Variants in NUP160 observed in about 807,000 individuals in gnomAD.
The protein encoded by NUP160 is nuclear pore complex protein Nup160.
A neutral mutation model predicts 196.9 loss-of-function variants in NUP160; 94 were observed. That is an observed-to-expected ratio of 0.48 (90% CI 0.40 to 0.57). NUP160 has a LOEUF of 0.57. Among genes scored for constraint, NUP160 ranks in the 20% least tolerant of loss-of-function variants. The pLI is 0.00. For synonymous variants in NUP160, 605 were observed against 619.7 expected, an observed-to-expected ratio of 0.98 and a Z score of 0.35; for missense variants, 1,638 against 1,748.3, an observed-to-expected ratio of 0.94 and a Z score of 1.13.
chr11:47,805,789 A>C (rs1305763320), intron 20 of NUP160, among the ~76,000 whole-genome samples: 1 of 151,878 alleles, frequency 6.6e-6, no homozygotes, highest in African/African-American at 2.4e-5. Flanking sequence ...TTACATAGGC[A>C]GAATAAGAAC....
exon 1 of NUP160, chr11:47,848,307 C>T (rs1165625712): frequency 2.5e-6 from 4 of 1,613,948 alleles, no homozygotes; most frequent in East Asian, 4.5e-5. Flanking sequence ...CCAGGGCTCC[C>T]GCCGCCGCCA....
chr11:47,803,223 T>C (rs2097675397), intron 22 of NUP160, among the ~76,000 whole-genome samples: 1 of 151,326 alleles, frequency 6.6e-6, no homozygotes. Context: ...AGTTCTAATA[T>C]TTTCTTATGT....
At chr11:47,782,300 AAAAATATATATATATATATATATATAT>A (rs1266659070) in intron 34 of NUP160, among the ~76,000 whole-genome samples, 16 of 42,522 alleles carry the variant, frequency 3.8e-4, no homozygotes, top group East Asian at 3.3e-3. Flanking sequence ...AAAAAAAAAA[AAAAATATATATATATATATATATATAT>A]ATATATATAT....
At chr11:47,848,241 C>A in exon 1 of NUP160, 2 of 1,614,182 alleles carry the variant, frequency 1.2e-6, no homozygotes, top group Non-Finnish European at 1.7e-6. Context: ...CTGTGAATTC[C>A]CGAAAGTGCC....
intron 1 of NUP160, 56 bp downstream of exon 1, chr11:47,848,163 A>G: frequency 6.3e-7 from 1 of 1,585,572 alleles, no homozygotes; most frequent in Non-Finnish European, 8.7e-7. Context: ...CCTGGGACCC[A>G]TGAGAGGAGC....
chr11:47,831,335 A>G (rs1001768958), intron 7 of NUP160, among the ~76,000 whole-genome samples: 1 of 152,254 alleles, frequency 6.6e-6, no homozygotes, highest in South Asian at 2.1e-4. Context: ...TAGGATATCT[A>G]GAATTAAAAA....
chr11:47,848,111 G>C, intron 1 of NUP160, 108 bp downstream of exon 1: 1 of 1,362,456 alleles, frequency 7.3e-7, no homozygotes, highest in African/African-American at 1.4e-5. Flanking sequence ...CCCGGGGCTA[G>C]AGGCATGTGG....
chr11:47,836,537 C>T (rs905405177), intron 6 of NUP160, among the ~76,000 whole-genome samples: 26 of 151,762 alleles, frequency 1.7e-4, no homozygotes, highest in African/African-American at 5.6e-4. Context: ...TGCTTGAGCC[C>T]GGGAGGCAGA....
intron 35 of NUP160, 92 bp downstream of exon 35, chr11:47,780,251 T>C: frequency 1.1e-6 from 1 of 927,050 alleles, no homozygotes; most frequent in South Asian, 1.4e-5. Context: ...TTGTCTTCCC[T>C]TTCTAATCCC....
chr11:47,838,695 G>C (rs1168185966), intron 4 of NUP160, among the ~76,000 whole-genome samples: 1 of 151,518 alleles, frequency 6.6e-6, no homozygotes. Context: ...GGGTGACAGT[G>C]AGACTCTGTC....
intron 23 of NUP160, among the ~76,000 whole-genome samples, chr11:47,799,868 T>C (rs1199323229): frequency 6.6e-6 from 1 of 152,184 alleles, no homozygotes; most frequent in Non-Finnish European, 1.5e-5. Flanking sequence ...AAAATTCTTA[T>C]CTTCTAGTGA....
intron 23 of NUP160, 48 bp downstream of exon 23, chr11:47,801,763 T>A (rs1319542218): frequency 1.3e-6 from 2 of 1,535,194 alleles, no homozygotes; most frequent in Non-Finnish European, 1.8e-6. Flanking sequence ...GTATTTCAGA[T>A]GTGTTTTTAC....
At chr11:47,821,729 A>C in exon 9 of NUP160, 1 of 1,611,686 alleles carries the variant, frequency 6.2e-7, no homozygotes, top group Non-Finnish European at 8.5e-7. Flanking sequence ...CATACTGTTC[A>C]AAGTTGATGT....
chr11:47,837,366 T>C (rs562723552), intron 5 of NUP160, among the ~76,000 whole-genome samples, 179 bp downstream of exon 5: 82 of 152,326 alleles, frequency 5.4e-4, no homozygotes, highest in South Asian at 1.9e-3. Flanking sequence ...AGGCATCCAA[T>C]TGCAGATGAA....
intron 2 of NUP160, among the ~76,000 whole-genome samples, chr11:47,844,020 C>T (rs541217290): frequency 6.6e-6 from 1 of 152,326 alleles, no homozygotes; most frequent in Non-Finnish European, 1.5e-5. Context: ...CAATTAATGA[C>T]ATCTCCCTAA....
chr11:47,809,734 C>CAAAAAAAA (rs779243939), intron 17 of NUP160, among the ~76,000 whole-genome samples: 1 of 47,900 alleles, frequency 2.1e-5, no homozygotes, highest in African/African-American at 9.8e-5. Context: ...GCAAGACTCT[C>CAAAAAAAA]AAAAAAAAAA....
At chr11:47,809,095 C>T (rs192819013) in intron 17 of NUP160, among the ~76,000 whole-genome samples, 4 of 150,350 alleles carry the variant, frequency 2.7e-5, no homozygotes, top group Admixed American at 2.0e-4. Context: ...AGCAAGACTC[C>T]GTCTTAAAAA....
chr11:47,822,690 C>A (rs774517022), intron 7 of NUP160, among the ~76,000 whole-genome samples: 1 of 151,658 alleles, frequency 6.6e-6, no homozygotes, highest in African/African-American at 2.4e-5. Flanking sequence ...ATTTACATTA[C>A]GTATATCTCC....
chr11:47,821,619 CAA>C, intron 9 of NUP160, 103 bp downstream of exon 9: 1 of 804,134 alleles, frequency 1.2e-6, no homozygotes, highest in Non-Finnish European at 2.1e-6. Flanking sequence ...CTCGGCCTCT[CAA>C]AGTGTTAGGA....
Sources: gnomAD v4.1 joint callset for allele counts (sites outside exome capture counted in the v4.1 genomes callset) on GRCh38, gnomAD v4.1.1 for gene constraint, MANE v1.5 for transcripts, NCBI Gene and HGNC (gene_info 2026-07-23, HGNC 2026-07-21) for gene names.